The following TENM3 variants were observed in gnomAD, a reference collection of about 807,000 sequenced individuals.
TENM3 encodes teneurin transmembrane protein 3, also known as teneurin-3.
A neutral mutation model predicts 255.1 loss-of-function variants in TENM3; 63 were observed. The observed-to-expected ratio is 0.25, with a 90% confidence interval of 0.20 to 0.30. TENM3 has a LOEUF of 0.30. Ranked by LOEUF, TENM3 falls within the 10% of genes least tolerant of loss-of-function variation. TENM3 has a pLI of 1.00. For synonymous variants in TENM3, 1,306 were observed against 1,322.3 expected (o/e 0.99, Z 0.27); for missense variants, 2,929 against 3,461.1 (o/e 0.85, Z 3.86).
At position 182,799,629 on chromosome 4, in the gene TENM3, C is replaced by G; in HGVS notation, c.7378C>G (p.Gln2460Glu). The G allele has an allele frequency of 1.9e-6, 3 of 1,544,638 alleles. No homozygotes were observed. Among genetic ancestry groups the G allele is most frequent in the Non-Finnish European group, 2.6e-6 (3 of 1,146,572 alleles). ...IFGVQQQVAR[Q>E]AKAFLSLGKM... ...CGGAGTCCAGCAGCAAGTGGCGCGG[C>G]AGGCCAAGGCCTTCCTGTCGCTGGG... The change falls in exon 28 of 28, where the codon CAG becomes GAG. Residue 2460 changes from glutamine (Q) to glutamate (E), a missense_variant. By Grantham distance (29) the Gln-to-Glu change is conservative. This residue lies in a region of TENM3 where 476 missense variants were observed against 480.1 expected (regional missense o/e 0.99). Transcript: ENST00000511685. The surrounding 1 kb of genome is among the most constrained non-coding windows in gnomAD (Gnocchi z 4.2).
chr4:181,630,289 C>T, the TENM3 span, among the ~76,000 whole-genome samples: 1,446 of 151,874 alleles, frequency 9.5e-3, 26 homozygotes, highest in African/African-American at 0.033. Context: ...AAAAAACCAG[C>T]TCCTGGATTC....
At chr4:182,657,362 A>T (rs1753841288) in intron 6 of TENM3, among the ~76,000 whole-genome samples, 1 of 148,430 alleles carries the variant, frequency 6.7e-6, no homozygotes, top group South Asian at 2.1e-4. Flanking sequence ...GCATTCTATT[A>T]AAAAAAATAG....
chr4:181,656,595 G>A, the TENM3 span, among the ~76,000 whole-genome samples: 1 of 152,138 alleles, frequency 6.6e-6, no homozygotes, highest in South Asian at 2.1e-4. Context: ...GATCCATCAG[G>A]CAGTTTAAAA....
the TENM3 span, among the ~76,000 whole-genome samples, chr4:181,571,996 A>T: frequency 6.6e-6 from 1 of 152,248 alleles, no homozygotes; most frequent in African/African-American, 2.4e-5. Flanking sequence ...GGCTCAAATA[A>T]GAAGCAGGCA....
chr4:181,674,139 G>A, the TENM3 span, among the ~76,000 whole-genome samples: 1 of 152,026 alleles, frequency 6.6e-6, no homozygotes, highest in Non-Finnish European at 1.5e-5. Context: ...GGGACTACAG[G>A]CACATGGCAT....
At chr4:181,722,918 A>G in the TENM3 span, among the ~76,000 whole-genome samples, 1 of 152,080 alleles carries the variant, frequency 6.6e-6, no homozygotes, top group East Asian at 1.9e-4. Flanking sequence ...AGGGGTCTAG[A>G]AGGACCACAA....
chr4:181,917,787 G>A, the TENM3 span, among the ~76,000 whole-genome samples: 4 of 149,912 alleles, frequency 2.7e-5, no homozygotes, highest in South Asian at 2.2e-4. Flanking sequence ...TCAACCTCCC[G>A]AGAGGCCGGG....
At chr4:182,354,717 A>G (rs1369689614) in intron 3 of TENM3, among the ~76,000 whole-genome samples, 7 of 152,182 alleles carry the variant, frequency 4.6e-5, no homozygotes, top group African/African-American at 1.7e-4. Flanking sequence ...TTCCATAATA[A>G]ATAGGCTGTA....
chr4:182,230,878 T>C (rs1756528435), intron 1 of TENM3, among the ~76,000 whole-genome samples: 1 of 134,230 alleles, frequency 7.4e-6, no homozygotes, highest in East Asian at 2.4e-4. Context: ...CCTCCTGTTC[T>C]CCGATAATTA....
At chr4:182,593,563 G>C (rs1475389229) in intron 3 of TENM3, among the ~76,000 whole-genome samples, 2 of 152,120 alleles carry the variant, frequency 1.3e-5, no homozygotes, top group Non-Finnish European at 2.9e-5. Context: ...TTGTTCCCTG[G>C]GGACGTGTGT....
the TENM3 span, among the ~76,000 whole-genome samples, chr4:181,636,063 T>C: frequency 2.0e-5 from 3 of 152,178 alleles, no homozygotes; most frequent in African/African-American, 7.2e-5. Flanking sequence ...TTTGGTTTTT[T>C]TTGAGACAGT....
chr4:182,749,762 GA>G (rs377685390), intron 19 of TENM3, among the ~76,000 whole-genome samples: 1 of 151,682 alleles, frequency 6.6e-6, no homozygotes, highest in Non-Finnish European at 1.5e-5. Context: ...CAACTGAGAA[GA>G]AAAAAAAGTA....
intron 4 of TENM3, among the ~76,000 whole-genome samples, chr4:182,615,071 T>TATGTA (rs1561005485): frequency 4.1e-5 from 3 of 73,700 alleles, no homozygotes; most frequent in Non-Finnish European, 2.6e-5. Flanking sequence ...ATATATGTAT[T>TATGTA]TTTTTTTTCT....
intron 5 of TENM3, among the ~76,000 whole-genome samples, chr4:182,635,294 GT>G (rs1751752251): frequency 6.6e-6 from 1 of 152,166 alleles, no homozygotes; most frequent in African/African-American, 2.4e-5. Flanking sequence ...TGCACATACT[GT>G]GTGATTTATC....
chr4:182,022,714 C>T, the TENM3 span, among the ~76,000 whole-genome samples: 46 of 151,984 alleles, frequency 3.0e-4, no homozygotes, highest in East Asian at 1.9e-4. Flanking sequence ...AAGTCTAGCT[C>T]GCTCACAACG....
At chr4:181,759,217 A>G in the TENM3 span, among the ~76,000 whole-genome samples, 1 of 152,100 alleles carries the variant, frequency 6.6e-6, no homozygotes, top group Non-Finnish European at 1.5e-5. Context: ...GAGAAAATTA[A>G]GTAGTATATA....
chr4:181,536,995 G>T, the TENM3 span, among the ~76,000 whole-genome samples: 2 of 152,052 alleles, frequency 1.3e-5, no homozygotes, highest in Non-Finnish European at 2.9e-5. Context: ...AGGTCAACTG[G>T]TAATGATAAA....
At chr4:182,223,870 G>T (rs754298211) in intron 1 of TENM3, among the ~76,000 whole-genome samples, 1 of 151,026 alleles carries the variant, frequency 6.6e-6, no homozygotes, top group South Asian at 2.1e-4. Flanking sequence ...ATTGCCCTCC[G>T]TGTGTGACTA....
intron 19 of TENM3, among the ~76,000 whole-genome samples, chr4:182,750,325 G>T (rs1762283972): frequency 6.6e-6 from 1 of 152,230 alleles, no homozygotes; most frequent in African/African-American, 2.4e-5. Flanking sequence ...AAAGCTGAAG[G>T]ACATACAAAG....
Sources: allele counts gnomAD v4.1 joint callset (sites outside exome capture counted in the v4.1 genomes callset), GRCh38; gene constraint gnomAD v4.1.1; regional missense constraint gnomAD v4.1.1; non-coding constraint Gnocchi (gnomAD v3.1); transcripts MANE v1.5; gene names NCBI Gene and HGNC (gene_info 2026-07-23, HGNC 2026-07-21).